DCTN2: variants seen among roughly 807,000 people sequenced by gnomAD.
DCTN2 encodes the protein 50 kDa dynein-associated polypeptide.
A neutral mutation model predicts 55.4 loss-of-function variants in DCTN2; 18 were observed. That is an observed-to-expected ratio of 0.32 (90% CI 0.22 to 0.48). DCTN2 has a LOEUF of 0.48. Among genes scored for constraint, DCTN2 ranks in the 20% least tolerant of loss-of-function variants. DCTN2 has a pLI of 0.99. For missense variants in DCTN2, 390 were observed against 491.0 expected, an observed-to-expected ratio of 0.79 and a Z score of 1.94; for synonymous variants, 168 against 185.2, an observed-to-expected ratio of 0.91 and a Z score of 0.76.
chr12:57,542,493 TCAA>T (rs1346205327), intron 2 of DCTN2, among the ~76,000 whole-genome samples: 1 of 152,040 alleles, frequency 6.6e-6, no homozygotes, highest in Non-Finnish European at 1.5e-5. Context: ...GCAGTGAGGG[TCAA>T]CACAACTTGA....
intron 5 of DCTN2, 77 bp downstream of exon 5, chr12:57,534,979 A>G (rs769890093): frequency 7.8e-7 from 1 of 1,278,834 alleles, no homozygotes; most frequent in Non-Finnish European, 1.1e-6. Context: ...CAGGCAGGGA[A>G]TCTTTCTCTT....
chr12:57,533,088 C>T (rs749772648), intron 8 of DCTN2, 66 bp from the exon 9 acceptor site: 2 of 1,564,320 alleles, frequency 1.3e-6, no homozygotes, highest in Non-Finnish European at 1.7e-6. Context: ...CTTCTCCCAT[C>T]TTTCCTGGTT....
Position 57,535,766 on chromosome 12 carries a change from A to G in DCTN2, c.185T>C (p.Val62Ala). 1 of 1,613,476 alleles carries G rather than the reference A, an allele frequency of 6.2e-7. No individual in the cohort carries two copies. Among genetic ancestry groups the G allele is most frequent in the Non-Finnish European group, 8.5e-7 (1 of 1,179,696 alleles). ...AAYDKFKDKR[V>A]GTKGLDFSDR... ...AGTCTCACCAAGTCCCTTTGTCCCC[A>G]CTCTCTTGTCCTTGAACTTGTCATA... is the stretch of plus-strand genomic sequence containing the variant. Residue 62 changes from valine (V) to alanine (A), a missense_variant, in exon 3 of 14, where the codon GTG (valine) becomes GCG (alanine). Physicochemically the swap from Val to Ala is moderately conservative, Grantham distance 64. Around this residue, in one of 2 missense-constraint regions of DCTN2, gnomAD observed 117 missense variants for 187.8 expected, o/e 0.62. Coordinates refer to ENST00000548249, the MANE Select transcript of DCTN2 (RefSeq NM_001261413.2).
At position 57,530,711 on chromosome 12, in the gene DCTN2, C is replaced by T. The variant is rs775983392; in HGVS notation, c.1184G>A (p.Arg395Gln). ...TGCTCACTTTCCCAGCTTCTTCATC[C>T]GTTCATCAATGCTGGCAAAGTTCCC... ...VEGNFASIDE[R>Q]MKKLGK The change falls in exon 14 of 14, where the codon CGG becomes CAG. Residue 395 changes from arginine (R) to glutamine (Q), a missense_variant. By Grantham distance (43) the Arg-to-Gln change is conservative. Coordinates refer to ENST00000548249, the MANE Select transcript of DCTN2 (RefSeq NM_001261413.2). 6.6e-5 allele frequency: 106 copies of T among 1,613,748 alleles called. No individual in the cohort carries two copies. The highest frequency in any genetic ancestry group is 8.8e-5 in the South Asian group (8 of 91,084).
Position 57,532,638 on chromosome 12 carries a change from G to C in DCTN2, c.858C>G (p.Val286=), listed in dbSNP as rs775130542. 6.2e-6 allele frequency: 10 copies of C among 1,613,774 alleles called. No individual in the cohort carries two copies. The highest frequency in any genetic ancestry group is 7.6e-6 in the Non-Finnish European group (9 of 1,179,886). The part of the protein sequence containing the change: ...LDQVEARLQS[V]LGKVNEIAKH... ...TGGCAATCTCGTTCACCTTTCCCAG[G>C]ACACTCTGAAAACACAGATTTTAAG... Residue 286 remains valine (V), a synonymous_variant, in exon 11 of 14, where the codon GTC becomes GTG. Coordinates refer to ENST00000548249, the MANE Select transcript of DCTN2 (RefSeq NM_001261413.2).
rs528184066 is a variant in DCTN2, at chr12:57,540,296, T to C, written c.106-4451A>G. 8.5e-5 allele frequency among the ~76,000 whole-genome samples: 13 copies of C among 152,212 alleles called. No individual in the cohort carries two copies. In the East Asian group the frequency reaches 2.3e-3, roughly 27 times the overall value. On this transcript the variant is annotated intron_variant, in intron 2 of 13. Transcript: ENST00000548249. ...TAAGCTCAATTTCAAACCATGCGGA[T>C]TGGGCAGAATAGGGAGGACAGAAAA...
At chr12:57,535,873 G>A (rs774230750) in intron 2 of DCTN2, 28 bp from the exon 3 acceptor site, 1 of 1,561,346 alleles carries the variant, frequency 6.4e-7, no homozygotes, top group Non-Finnish European at 8.8e-7. Context: ...TTAGGCCAGG[G>A]ACACACTCAT....
intron 2 of DCTN2, among the ~76,000 whole-genome samples, chr12:57,542,691 T>C (rs1880792561): frequency 2.0e-5 from 3 of 152,056 alleles, no homozygotes; most frequent in Admixed American, 2.0e-4. Flanking sequence ...TGGTGGCACA[T>C]GCCTGTAATT....
chr12:57,535,185 ATGTC>A, intron 4 of DCTN2, 31 bp from the exon 5 acceptor site: 1 of 1,553,746 alleles, frequency 6.4e-7, no homozygotes. Context: ...GTAATGTTAT[ATGTC>A]TCATTACAGG....
At chr12:57,541,647 G>T (rs1351246874) in intron 2 of DCTN2, among the ~76,000 whole-genome samples, 1 of 152,134 alleles carries the variant, frequency 6.6e-6, no homozygotes, top group Non-Finnish European at 1.5e-5. Context: ...AAGCTAAATT[G>T]TTTCTAATGA....
intron 13 of DCTN2, 112 bp downstream of exon 13, chr12:57,531,903 C>A: frequency 6.8e-7 from 1 of 1,475,314 alleles, no homozygotes; most frequent in Non-Finnish European, 9.2e-7. Context: ...CAGACCAACC[C>A]CCTGCCACAA....
chr12:57,537,461 AGGACT>A (rs1174632735), intron 2 of DCTN2, among the ~76,000 whole-genome samples: 1 of 151,328 alleles, frequency 6.6e-6, no homozygotes, highest in Non-Finnish European at 1.5e-5. Flanking sequence ...ACCTACAGCC[AGGACT>A]GAGAATCTCT....
At chr12:57,531,974 A>G (rs1879762734) in intron 13 of DCTN2, 41 bp downstream of exon 13, 1 of 1,552,440 alleles carries the variant, frequency 6.4e-7, no homozygotes, top group African/African-American at 1.4e-5. Context: ...TAGTTTGCAC[A>G]TGCTGGAGAA....
At chr12:57,532,143 G>T in intron 12 of DCTN2, 37 bp from the exon 13 acceptor site, 1 of 1,552,800 alleles carries the variant, frequency 6.4e-7, no homozygotes. Context: ...TTGAATCCAA[G>T]ATAAGGGAGG....
At chr12:57,535,031 A>T in intron 5 of DCTN2, 25 bp downstream of exon 5, 1 of 1,569,288 alleles carries the variant, frequency 6.4e-7, no homozygotes, top group Non-Finnish European at 8.8e-7. Flanking sequence ...CACAGCAGAG[A>T]AGGGAGAAGA....
intron 5 of DCTN2, among the ~76,000 whole-genome samples, chr12:57,534,753 C>T (rs989181569): frequency 6.6e-6 from 1 of 152,126 alleles, no homozygotes; most frequent in South Asian, 2.1e-4. Context: ...CTGCAACCTC[C>T]GCCTCCGAGT....
At chr12:57,536,969 A>G (rs1407443664) in intron 2 of DCTN2, among the ~76,000 whole-genome samples, 1 of 151,722 alleles carries the variant, frequency 6.6e-6, no homozygotes, top group Non-Finnish European at 1.5e-5. Flanking sequence ...CCCAGGCTGC[A>G]TGTTAGAATC....
rs74470647 is a variant in DCTN2, at chr12:57,530,931, C to T, written c.1120-156G>A. Among the ~76,000 whole-genome samples the T allele has an allele frequency of 2.1e-3, 320 of 152,256 alleles. 1 individual carries two copies. The highest frequency in any genetic ancestry group is 4.3e-3 in the Admixed American group (65 of 15,294). Reference sequence around the variant, plus strand: ...TTATAGCACCAATTTTCAAGCTACCCTTAGAGTACATAGACCACGCTTGGG... The same window carrying T: ...TTATAGCACCAATTTTCAAGCTACCTTTAGAGTACATAGACCACGCTTGGG... On this transcript the variant is annotated intron_variant, in intron 13 of 13. Coordinates refer to ENST00000548249, the MANE Select transcript of DCTN2 (RefSeq NM_001261413.2).
chr12:57,546,489 C>A (rs986860758), intron 1 of DCTN2, among the ~76,000 whole-genome samples: 1 of 152,098 alleles, frequency 6.6e-6, no homozygotes, highest in South Asian at 2.1e-4. Context: ...TGTGTCCCAA[C>A]CCTCACCTTG....
Sources: allele counts gnomAD v4.1 joint callset (sites outside exome capture counted in the v4.1 genomes callset), GRCh38; gene constraint gnomAD v4.1.1; regional missense constraint gnomAD v4.1.1; transcripts MANE v1.5; gene names NCBI Gene and HGNC (gene_info 2026-07-23, HGNC 2026-07-21).